LRBA: variants seen among roughly 807,000 people sequenced by gnomAD.
LRBA encodes the protein LPS responsive beige-like anchor protein.
In LRBA, 176 loss-of-function variants were observed where a neutral mutation model predicts 330.0. The observed-to-expected ratio is 0.53, with a 90% CI of 0.47 to 0.60. The LOEUF (loss-of-function observed/expected upper bound fraction) is 0.60, where lower values mean the gene tolerates loss of function less well. Ranked by LOEUF, LRBA falls within the 20% of genes least tolerant of loss-of-function variation. The pLI, the probability that LRBA is intolerant of heterozygous loss-of-function variation, is 0.00. For synonymous variants in LRBA, 1,230 were observed against 1,193.0 expected (o/e 1.03, Z -0.64); for missense variants, 3,259 against 3,444.8 (o/e 0.95, Z 1.35).
intron 2 of LRBA, among the ~76,000 whole-genome samples, chr4:150,969,194 C>G (rs1739246112): frequency 6.6e-6 from 1 of 152,238 alleles, no homozygotes; most frequent in Non-Finnish European, 1.5e-5. Flanking sequence ...ACATAACATC[C>G]ATTTTGCAGC....
chr4:150,854,478 T>G (rs115961938), intron 22 of LRBA, among the ~76,000 whole-genome samples: 3 of 152,194 alleles, frequency 2.0e-5, no homozygotes, highest in Non-Finnish European at 4.4e-5. Context: ...AGGCATTGTG[T>G]GATGAACACA....
intron 30 of LRBA, among the ~76,000 whole-genome samples, chr4:150,818,287 A>C (rs1025853390): frequency 6.6e-6 from 1 of 152,084 alleles, no homozygotes; most frequent in Non-Finnish European, 1.5e-5. Flanking sequence ...CTCAGTGCCT[A>C]TCATGTGAGG....
At chr4:150,724,898 A>G (rs1437726660) in intron 36 of LRBA, among the ~76,000 whole-genome samples, 1 of 147,490 alleles carries the variant, frequency 6.8e-6, no homozygotes, top group East Asian at 2.0e-4. Context: ...ATATATGTAT[A>G]TATATACACA....
chr4:150,602,661 C>A (rs1227810790), intron 37 of LRBA, among the ~76,000 whole-genome samples: 1 of 152,064 alleles, frequency 6.6e-6, no homozygotes, highest in African/African-American at 2.4e-5. Context: ...AACTTACTTT[C>A]TTCACTCTCA....
At chr4:150,597,140 G>A (rs1773588539) in intron 38 of LRBA, 1 of 1,272,426 alleles carries the variant, frequency 7.9e-7, no homozygotes, top group Non-Finnish European at 1.1e-6. Flanking sequence ...ATTAACATTG[G>A]ATTAACCTTT....
At chr4:150,924,794 C>T (rs915684098) in intron 4 of LRBA, among the ~76,000 whole-genome samples, 1 of 152,092 alleles carries the variant, frequency 6.6e-6, no homozygotes, top group African/African-American at 2.4e-5. Flanking sequence ...TATTTTTTCC[C>T]TTTATCATCT....
At chr4:150,657,821 G>C (rs1780365139) in intron 37 of LRBA, among the ~76,000 whole-genome samples, 1 of 151,978 alleles carries the variant, frequency 6.6e-6, no homozygotes, top group Non-Finnish European at 1.5e-5. Flanking sequence ...ATTTTTAACA[G>C]TATTAATAAT....
chr4:150,626,701 AT>A (rs1297046174), intron 37 of LRBA, among the ~76,000 whole-genome samples: 1 of 152,170 alleles, frequency 6.6e-6, no homozygotes, highest in African/African-American at 2.4e-5. Flanking sequence ...TTAAAAAGCC[AT>A]TTTTAACAAA....
At chr4:150,888,504 T>C (rs1002634454) in intron 17 of LRBA, among the ~76,000 whole-genome samples, 8 of 152,236 alleles carry the variant, frequency 5.3e-5, no homozygotes, top group South Asian at 2.1e-4. Context: ...ATAAGGACAA[T>C]TGAGGCAGTT....
At chr4:150,627,656 G>A (rs1421710560) in intron 37 of LRBA, among the ~76,000 whole-genome samples, 1 of 151,876 alleles carries the variant, frequency 6.6e-6, no homozygotes, top group East Asian at 1.9e-4. Flanking sequence ...AACAAATTAT[G>A]CAAGGTTGGA....
intron 56 of LRBA, among the ~76,000 whole-genome samples, chr4:150,270,531 A>G (rs1014235170): frequency 9.9e-5 from 15 of 152,128 alleles, no homozygotes; most frequent in African/African-American, 3.4e-4. Context: ...AGCTGGTGGG[A>G]GAGAGAGTCA....
chr4:150,940,182 C>T lies in LRBA; in HGVS notation c.217-11117G>A, dbSNP rs57140167. ...ACTTTGGGAGGCTGAGGCAGGAGGA[C>T]TGCTTGAGCCCAGGAGTTCAAGACC... On this transcript the variant is annotated intron_variant, in intron 2 of 56. Coordinates refer to ENST00000651943, the MANE Select transcript of LRBA (RefSeq NM_001364905.1). Among the ~76,000 whole-genome samples, 179 of 151,462 alleles carry T rather than the reference C, an allele frequency of 1.2e-3. 3 individuals carry two copies. Among genetic ancestry groups the T allele is most frequent in the African/African-American group, 4.2e-3 (174 of 41,262 alleles).
At chr4:150,357,665 T>TAAAA (rs781495242) in intron 47 of LRBA, among the ~76,000 whole-genome samples, 15 of 146,646 alleles carry the variant, frequency 1.0e-4, no homozygotes, top group Admixed American at 4.7e-4. Flanking sequence ...TTTTTTTTTT[T>TAAAA]AAAAAAAACC....
chr4:151,007,217 T>C (rs965325079), intron 2 of LRBA, among the ~76,000 whole-genome samples: 1 of 152,210 alleles, frequency 6.6e-6, no homozygotes, highest in African/African-American at 2.4e-5. Flanking sequence ...CAAATGGCAC[T>C]CTAGCCGGGT....
intron 47 of LRBA, among the ~76,000 whole-genome samples, chr4:150,370,459 CAACTATATGATACATTGGAAAAGGCAA>C (rs374391624): frequency 1.3e-3 from 198 of 151,982 alleles, no homozygotes; most frequent in Non-Finnish European, 2.4e-3. Context: ...TATATGATTC[CAACTATATGATACATTGGAAAAGGCAA>C]AACTATGGGG....
intron 2 of LRBA, among the ~76,000 whole-genome samples, chr4:150,966,048 C>T (rs1244127482): frequency 1.3e-5 from 2 of 152,108 alleles, no homozygotes; most frequent in Admixed American, 1.3e-4. Flanking sequence ...TGAGATACCC[C>T]AAATAATATG....
At chr4:150,810,945 A>C (rs1743631580) in intron 31 of LRBA, among the ~76,000 whole-genome samples, 1 of 152,194 alleles carries the variant, frequency 6.6e-6, no homozygotes, top group Non-Finnish European at 1.5e-5. Flanking sequence ...TTCACATTTC[A>C]TCATAAAAAT....
chr4:150,901,951 A>G (rs1030092183), intron 13 of LRBA, among the ~76,000 whole-genome samples: 2 of 152,222 alleles, frequency 1.3e-5, no homozygotes, highest in Non-Finnish European at 2.9e-5. Context: ...AACTATATGC[A>G]TAACACTGTA....
chr4:150,550,439 A>G (rs546687658), intron 40 of LRBA, among the ~76,000 whole-genome samples: 4 of 152,314 alleles, frequency 2.6e-5, no homozygotes, highest in Non-Finnish European at 5.9e-5. Flanking sequence ...TTTAATTATT[A>G]AAGCATATTT....
Sources: gnomAD v4.1 joint callset for allele counts (sites outside exome capture counted in the v4.1 genomes callset) on GRCh38, gnomAD v4.1.1 for gene constraint, MANE v1.5 for transcripts, NCBI Gene and HGNC (gene_info 2026-07-23, HGNC 2026-07-21) for gene names.